The following NYAP2 variants were observed in gnomAD, a reference collection of about 807,000 sequenced individuals.
NYAP2 encodes the protein neuronal tyrosine-phosphorylated phosphoinositide-3-kinase adaptor 2, also known as neuronal tyrosine-phosphorylated phosphoinositide-3-kinase adapter 2.
NYAP2 carries 23 observed loss-of-function variants against 50.4 expected under a neutral mutation model. The observed-to-expected ratio is 0.46, with a 90% CI of 0.33 to 0.65. The LOEUF is 0.65. Ranked by LOEUF, NYAP2 falls within the 30% of genes least tolerant of loss-of-function variation. The pLI is 0.02. For synonymous variants in NYAP2, 394 were observed against 365.2 expected, an observed-to-expected ratio of 1.08 and a Z score of -0.90; for missense variants, 885 against 861.0, an observed-to-expected ratio of 1.03 and a Z score of -0.35.
intron 5 of NYAP2, among the ~76,000 whole-genome samples, chr2:225,603,789 A>T (rs1371565100): frequency 6.6e-6 from 1 of 152,166 alleles, no homozygotes; most frequent in African/African-American, 2.4e-5. Flanking sequence ...TATCTGAAGA[A>T]TATTGTATTG....
intron 3 of NYAP2, among the ~76,000 whole-genome samples, chr2:225,503,282 T>G (rs1032544463): frequency 1.3e-5 from 2 of 152,246 alleles, no homozygotes; most frequent in Non-Finnish European, 2.9e-5. Context: ...TTCTGTAAAC[T>G]GTATTCTAAG....
At chr2:225,693,592 G>A in the NYAP2 span, among the ~76,000 whole-genome samples, 1 of 152,024 alleles carries the variant, frequency 6.6e-6, no homozygotes, top group Non-Finnish European at 1.5e-5. Context: ...CAGGGTGACA[G>A]CATGGTTATG....
At chr2:225,432,251 C>G (rs1689279064) in intron 3 of NYAP2, among the ~76,000 whole-genome samples, 1 of 150,710 alleles carries the variant, frequency 6.6e-6, no homozygotes, top group Non-Finnish European at 1.5e-5. Context: ...CCGCTTTAGC[C>G]TCCCAAAGTG....
chr2:225,503,458 T>G (rs1194656441), intron 3 of NYAP2, among the ~76,000 whole-genome samples: 1 of 152,228 alleles, frequency 6.6e-6, no homozygotes, highest in East Asian at 1.9e-4. Context: ...TTGTCATGTT[T>G]TAAGTAAAAA....
intron 3 of NYAP2, among the ~76,000 whole-genome samples, chr2:225,495,701 G>A (rs6737187): frequency 0.28 from 43,231 of 152,092 alleles, 6,441 homozygotes; most frequent in South Asian, 0.52. Flanking sequence ...AATAGATACT[G>A]GTGATTATTG....
At chr2:225,542,858 A>C (rs1036294688) in intron 4 of NYAP2, among the ~76,000 whole-genome samples, 1 of 151,986 alleles carries the variant, frequency 6.6e-6, no homozygotes, top group Non-Finnish European at 1.5e-5. Context: ...TCTTCTTTAA[A>C]TGTTTGGTAG....
At chr2:225,668,546 A>G in the NYAP2 span, among the ~76,000 whole-genome samples, 2 of 152,158 alleles carry the variant, frequency 1.3e-5, no homozygotes, top group Non-Finnish European at 1.5e-5. Flanking sequence ...ATCGATGTCT[A>G]AATATATTTG....
intron 5 of NYAP2, among the ~76,000 whole-genome samples, chr2:225,625,037 CAA>C (rs1693185116): frequency 1.7e-5 from 1 of 57,798 alleles, no homozygotes; most frequent in Non-Finnish European, 3.0e-5. Flanking sequence ...GATTTTAACC[CAA>C]GCGTAAAAAA....
intron 4 of NYAP2, among the ~76,000 whole-genome samples, chr2:225,546,483 G>C (rs1691586938): frequency 6.6e-6 from 1 of 151,952 alleles, no homozygotes; most frequent in African/African-American, 2.4e-5. Flanking sequence ...GATCCACATG[G>C]TGGGTACTGT....
intron 6 of NYAP2, among the ~76,000 whole-genome samples, chr2:225,638,203 G>C (rs1384672719): frequency 6.6e-6 from 1 of 150,836 alleles, no homozygotes; most frequent in African/African-American, 2.4e-5. Context: ...GTGTGGGAGG[G>C]GGGTGAGAGA....
chr2:225,648,599 G>A (rs1335280994), intron 6 of NYAP2, among the ~76,000 whole-genome samples: 1 of 152,118 alleles, frequency 6.6e-6, no homozygotes, highest in Admixed American at 6.5e-5. Flanking sequence ...TAAATTTATA[G>A]AGAGAGGAAA....
In NYAP2 at chr2:225,582,706, C is replaced by A; in HGVS notation, c.1289C>A (p.Pro430His). 1 of 1,608,930 alleles carries A rather than the reference C, an allele frequency of 6.2e-7. No individual in the cohort carries two copies. Residue 430 changes from proline to histidine, a missense_variant, in exon 5 of 7, where the codon CCT (proline) becomes CAT (histidine). Transcript: ENST00000636099. This position sits in a 1 kb window ranked among gnomAD's most constrained non-coding sequence, Gnocchi z 7.0. ...CGAACCCAGTCTCCCCATGGCTACCCTAAAAGTCACTCCACCTCTCCCTCC... is the reference window on the plus strand; with the variant it reads ...CGAACCCAGTCTCCCCATGGCTACCATAAAAGTCACTCCACCTCTCCCTCC...
At chr2:225,625,080 T>C (rs1207649458) in intron 5 of NYAP2, among the ~76,000 whole-genome samples, 2 of 146,634 alleles carry the variant, frequency 1.4e-5, no homozygotes, top group South Asian at 4.3e-4. Context: ...AAATTCAGAT[T>C]TTTTGAATCA....
intron 5 of NYAP2, among the ~76,000 whole-genome samples, chr2:225,616,477 C>T (rs1362318871): frequency 6.6e-6 from 1 of 152,146 alleles, no homozygotes; most frequent in African/African-American, 2.4e-5. Flanking sequence ...GTCTGGCTGG[C>T]TCTTATCAGC....
In NYAP2 at chr2:225,610,727, G is replaced by A. The variant is rs115433340; in HGVS notation, c.1619-16190G>A. On this transcript the variant is annotated intron_variant, in intron 5 of 6. Transcript: ENST00000636099. ...ATTCATAGTTTTCAAAGTGCATTCT[G>A]TGTAATAATATATCTTTTGGAATTG... Among the ~76,000 whole-genome samples the A allele has an allele frequency of 5.5e-3, 838 of 152,210 alleles. 9 individuals are homozygous for A. The highest frequency in any genetic ancestry group is 0.018 in the African/African-American group (761 of 41,532).
chr2:225,439,094 G>C (rs973726282), intron 3 of NYAP2, among the ~76,000 whole-genome samples: 7 of 152,190 alleles, frequency 4.6e-5, no homozygotes, highest in Non-Finnish European at 7.3e-5. Flanking sequence ...ACTGTTTGGG[G>C]ACTGTGGAGG....
In NYAP2 at chr2:225,518,892, C is replaced by A. The variant is rs10469674; in HGVS notation, c.523+5220C>A. ...AACTAGCCAGGCATGTGGGCGGGAG[C>A]CTGTAATCCCAGCTACTCAGAAAGC... On this transcript the variant is annotated intron_variant, in intron 4 of 6. Coordinates refer to ENST00000636099, the Ensembl canonical transcript of NYAP2. Among the ~76,000 whole-genome samples, 504 of 151,932 alleles carry A rather than the reference C, an allele frequency of 3.3e-3. 1 individual carries two copies. Among genetic ancestry groups the A allele is most frequent in the Non-Finnish European group, 5.7e-3 (388 of 67,962 alleles).
chr2:225,581,868 A>G (rs982152019), intron 4 of NYAP2, 73 bp from the exon 5 acceptor site: 1 of 1,421,630 alleles, frequency 7.0e-7, no homozygotes. Flanking sequence ...ATTGTAGTAA[A>G]CCCACATGCA....
chr2:225,670,615 A>AG, the NYAP2 span, among the ~76,000 whole-genome samples: 14 of 115,618 alleles, frequency 1.2e-4, no homozygotes, highest in Admixed American at 7.7e-4. Context: ...CAAAAAAAAA[A>AG]AAAAAAAAAA....
Sources: gnomAD v4.1 joint callset for allele counts (sites outside exome capture counted in the v4.1 genomes callset) on GRCh38, gnomAD v4.1.1 for gene constraint, Gnocchi (gnomAD v3.1) non-coding constraint, MANE v1.5 for transcripts, NCBI Gene and HGNC (gene_info 2026-07-23, HGNC 2026-07-21) for gene names.